Variants in CNTN5 observed in about 807,000 individuals in gnomAD.
CNTN5 encodes contactin-5.
CNTN5 carries 77 observed loss-of-function variants against 129.1 expected under a neutral mutation model. The ratio of observed to expected loss-of-function variants is 0.60; its 90% CI spans 0.50 to 0.72. CNTN5 has a LOEUF of 0.72. CNTN5 is among the 30% of genes least tolerant of loss of function. CNTN5 has a pLI of 0.00. For missense variants in CNTN5, 1,478 were observed against 1,328.8 expected (o/e 1.11, Z -1.75); for synonymous variants, 509 against 465.6 (o/e 1.09, Z -1.20).
At chr11:100,339,001 CTG>C (rs540798097) in intron 21 of CNTN5, among the ~76,000 whole-genome samples, 42 of 152,218 alleles carry the variant, frequency 2.8e-4, no homozygotes, top group Middle Eastern at 3.4e-3. Context: ...CCATGGATGG[CTG>C]TGTGTTAGCA....
intron 9 of CNTN5, among the ~76,000 whole-genome samples, chr11:100,025,691 A>G (rs1081339): frequency 0.63 from 96,317 of 152,092 alleles, 31,376 homozygotes; most frequent in East Asian, 0.93. Context: ...AGTGAGATAC[A>G]GAGTCAAAGG....
chr11:99,183,721 C>A (rs941964508), intron 1 of CNTN5, among the ~76,000 whole-genome samples: 1 of 151,932 alleles, frequency 6.6e-6, no homozygotes, highest in East Asian at 1.9e-4. Context: ...TTTAATGGCC[C>A]ACCAATATAT....
At chr11:100,329,553 A>T (rs1347590477) in intron 21 of CNTN5, among the ~76,000 whole-genome samples, 1 of 152,162 alleles carries the variant, frequency 6.6e-6, no homozygotes, top group African/African-American at 2.4e-5. Context: ...AGCACAACCA[A>T]GGACCTTCAC....
intron 4 of CNTN5, among the ~76,000 whole-genome samples, chr11:99,836,340 T>C (rs1261937357): frequency 7.3e-6 from 1 of 137,138 alleles, no homozygotes; most frequent in African/African-American, 2.7e-5. Flanking sequence ...CCCCACCCTG[T>C]GTCGAAGTGT....
intron 3 of CNTN5, among the ~76,000 whole-genome samples, chr11:99,740,426 G>A (rs935718802): frequency 1.3e-5 from 2 of 152,158 alleles, no homozygotes; most frequent in Non-Finnish European, 2.9e-5. Flanking sequence ...TATTGGTAAT[G>A]CATTCTATAA....
intron 1 of CNTN5, among the ~76,000 whole-genome samples, chr11:99,240,341 T>A (rs888460521): frequency 6.6e-6 from 1 of 152,150 alleles, no homozygotes; most frequent in Non-Finnish European, 1.5e-5. Context: ...AGAACGGGCA[T>A]TATCTGTTCA....
intron 1 of CNTN5, among the ~76,000 whole-genome samples, chr11:99,123,680 G>A (rs757226291): frequency 6.8e-6 from 1 of 147,798 alleles, no homozygotes. Flanking sequence ...ATAGTTTTAG[G>A]TTTTACATTT....
At chr11:99,389,469 C>G (rs562669766) in intron 2 of CNTN5, among the ~76,000 whole-genome samples, 32 of 152,254 alleles carry the variant, frequency 2.1e-4, no homozygotes, top group Non-Finnish European at 2.6e-4. Flanking sequence ...GGAGCCTGTT[C>G]TAGATTTTTG....
chr11:99,100,316 TA>T (rs567174144), intron 1 of CNTN5, among the ~76,000 whole-genome samples: 101 of 151,980 alleles, frequency 6.6e-4, no homozygotes, highest in African/African-American at 2.1e-3. Flanking sequence ...TCCAGAGAGG[TA>T]GGGGGAACCT....
At chr11:100,277,334 T>C (rs1950536176) in intron 18 of CNTN5, among the ~76,000 whole-genome samples, 1 of 152,170 alleles carries the variant, frequency 6.6e-6, no homozygotes. Flanking sequence ...TTTGGATATA[T>C]ACCTAGGAGT....
intron 7 of CNTN5, among the ~76,000 whole-genome samples, chr11:99,936,591 A>T (rs953535839): frequency 2.0e-5 from 3 of 152,192 alleles, no homozygotes; most frequent in African/African-American, 7.2e-5. Flanking sequence ...ACAATATCAA[A>T]TAGTATAGGC....
At chr11:99,388,345 G>A (rs184202278) in intron 2 of CNTN5, among the ~76,000 whole-genome samples, 99 of 146,170 alleles carry the variant, frequency 6.8e-4, no homozygotes, top group African/African-American at 9.6e-4. Flanking sequence ...AACCAAGGAA[G>A]CAGAGGTTGT....
intron 1 of CNTN5, among the ~76,000 whole-genome samples, chr11:99,254,900 TG>T (rs1417002205): frequency 6.6e-6 from 1 of 151,988 alleles, no homozygotes; most frequent in African/African-American, 2.4e-5. Flanking sequence ...CCAATATTTC[TG>T]TAGGGGGAAA....
At chr11:100,300,098 T>C (rs1203893787) in intron 20 of CNTN5, among the ~76,000 whole-genome samples, 2 of 151,462 alleles carry the variant, frequency 1.3e-5, no homozygotes, top group Non-Finnish European at 3.0e-5. Context: ...ATAGAACTCA[T>C]AGGTAGGCAG....
rs538992509 is a variant in CNTN5 at position 99,271,338 on chromosome 11, C to T, written c.-209-54008C>T. On this transcript the variant is annotated intron_variant, in intron 1 of 24. Transcript: ENST00000524871. ...TTTTAATGCATATTTTATTAATGCTCATCCTGGAAACTGTTAGTTCTACTT... is the reference window on the plus strand; with the variant it reads ...TTTTAATGCATATTTTATTAATGCTTATCCTGGAAACTGTTAGTTCTACTT... 4.1e-4 allele frequency among the ~76,000 whole-genome samples: 62 copies of T among 151,912 alleles called. 1 individual carries two copies. Among genetic ancestry groups the T allele is most frequent in the African/African-American group, 1.4e-3 (60 of 41,484 alleles).
At chr11:99,228,885 G>A (rs573611932) in intron 1 of CNTN5, among the ~76,000 whole-genome samples, 6 of 151,806 alleles carry the variant, frequency 4.0e-5, no homozygotes, top group South Asian at 4.1e-4. Flanking sequence ...CTGTGCATTC[G>A]TTAATACTGT....
chr11:100,205,499 G>C (rs1348942904), intron 15 of CNTN5, among the ~76,000 whole-genome samples: 1 of 151,914 alleles, frequency 6.6e-6, no homozygotes, highest in East Asian at 1.9e-4. Context: ...TTATATAAGA[G>C]ACCTGGAAAA....
chr11:100,116,183 A>G (rs1374707008), intron 13 of CNTN5, among the ~76,000 whole-genome samples: 1 of 152,088 alleles, frequency 6.6e-6, no homozygotes, highest in Non-Finnish European at 1.5e-5. Flanking sequence ...CATCAGTACC[A>G]GCAAGCAGAG....
At chr11:99,060,028 A>G (rs1027416163) in intron 1 of CNTN5, among the ~76,000 whole-genome samples, 35 of 152,118 alleles carry the variant, frequency 2.3e-4, no homozygotes, top group African/African-American at 3.4e-4. Context: ...TGATTTGAAT[A>G]TATTAAAATA....
Sources: allele counts gnomAD v4.1 joint callset (sites outside exome capture counted in the v4.1 genomes callset), GRCh38; gene constraint gnomAD v4.1.1; transcripts MANE v1.5; gene names NCBI Gene and HGNC (gene_info 2026-07-23, HGNC 2026-07-21).